The following MAP4K4 variants were observed in gnomAD, a reference collection of about 807,000 sequenced individuals.
MAP4K4 encodes the protein HPK/GCK-like kinase HGK.
Under a neutral mutation model 189.6 loss-of-function variants are expected in MAP4K4, and 38 were observed. That is an observed-to-expected ratio of 0.20 (90% CI 0.15 to 0.26). MAP4K4 has a LOEUF of 0.26. Ranked by LOEUF, MAP4K4 falls within the 10% of genes least tolerant of loss-of-function variation. The pLI, the probability that MAP4K4 is intolerant of heterozygous loss-of-function variation, is 1.00. For synonymous variants in MAP4K4, 610 were observed against 624.3 expected (o/e 0.98, Z 0.34); for missense variants, 1,054 against 1,726.9 (o/e 0.61, Z 6.91).
At chr2:101,891,033 C>G in intron 32 of MAP4K4, 133 bp from the exon 33 acceptor site, 1 of 697,184 alleles carries the variant, frequency 1.4e-6, no homozygotes, top group Non-Finnish European at 2.5e-6. Context: ...CTCAGAGTTT[C>G]TTTTGAAAAG....
At chr2:101,882,778 T>C in intron 28 of MAP4K4, 93 bp downstream of exon 28, 1 of 1,280,116 alleles carries the variant, frequency 7.8e-7, no homozygotes, top group Non-Finnish European at 1.1e-6. Context: ...TTGAAGTTTG[T>C]AATAATAAAC....
intron 28 of MAP4K4, among the ~76,000 whole-genome samples, chr2:101,883,675 C>CTAT (rs1448814770): frequency 6.6e-6 from 1 of 151,980 alleles, no homozygotes; most frequent in African/African-American, 2.4e-5. Context: ...TGTTACGGGC[C>CTAT]TATTGAATGT....
intron 3 of MAP4K4, among the ~76,000 whole-genome samples, chr2:101,814,341 T>A (rs2095598310): frequency 6.6e-6 from 1 of 152,242 alleles, no homozygotes; most frequent in Admixed American, 6.5e-5. Context: ...ATGGTCTTTT[T>A]GAGTAACTTC....
intron 2 of MAP4K4, among the ~76,000 whole-genome samples, chr2:101,790,177 C>T (rs767370035): frequency 4.6e-5 from 7 of 152,032 alleles, no homozygotes; most frequent in South Asian, 4.1e-4. Context: ...GTAATTCTTG[C>T]GAAGTAAAGT....
intron 6 of MAP4K4, among the ~76,000 whole-genome samples, chr2:101,830,330 A>G (rs2096557931): frequency 6.6e-6 from 1 of 152,114 alleles, no homozygotes; most frequent in Admixed American, 6.5e-5. Flanking sequence ...GCGTGGTTAG[A>G]TAATTACAGC....
intron 5 of MAP4K4, among the ~76,000 whole-genome samples, chr2:101,826,033 C>T (rs749473318): frequency 2.0e-5 from 3 of 152,096 alleles, no homozygotes; most frequent in Non-Finnish European, 2.9e-5. Context: ...TCTAGGATTT[C>T]GTATTTGAGC....
chr2:101,705,685 ATACT>A (rs1167404106), intron 2 of MAP4K4, among the ~76,000 whole-genome samples: 11 of 152,360 alleles, frequency 7.2e-5, no homozygotes, highest in African/African-American at 2.6e-4. Context: ...AAGTTTTTAT[ATACT>A]TTTAATTTCA....
At chr2:101,794,262 A>G (rs2093393487) in intron 3 of MAP4K4, among the ~76,000 whole-genome samples, 1 of 152,188 alleles carries the variant, frequency 6.6e-6, no homozygotes, top group African/African-American at 2.4e-5. Flanking sequence ...CCGTTCATTC[A>G]GTTTTCCTGA....
intron 2 of MAP4K4, among the ~76,000 whole-genome samples, chr2:101,767,479 A>G (rs2079119253): frequency 6.6e-6 from 1 of 151,692 alleles, no homozygotes; most frequent in Non-Finnish European, 1.5e-5. Context: ...GAACACAAAG[A>G]CTCTTCCTTC....
chr2:101,858,983 T>G lies in MAP4K4; in HGVS notation c.1396-13T>G. 6.3e-7 allele frequency: 1 copy of G among 1,599,930 alleles called. No individual in the cohort carries two copies. On this transcript the variant is annotated splice_polypyrimidine_tract_variant and intron_variant, in intron 13 of 32. Transcript: ENST00000324219. ...TGGGATAATTTGATTGCTGGGTGATTTCTGTGTGACAGGAGTATATCAGGC... is the reference window on the plus strand; with the variant it reads ...TGGGATAATTTGATTGCTGGGTGATGTCTGTGTGACAGGAGTATATCAGGC...
chr2:101,745,703 C>G (rs2149842325), intron 2 of MAP4K4, among the ~76,000 whole-genome samples: 1 of 152,238 alleles, frequency 6.6e-6, no homozygotes, highest in African/African-American at 2.4e-5. Flanking sequence ...CGTTAAGTGC[C>G]TAGCTGAATA....
chr2:101,816,295 T>C (rs1266920270), intron 3 of MAP4K4, among the ~76,000 whole-genome samples: 6 of 152,234 alleles, frequency 3.9e-5, no homozygotes. Context: ...CCTTCATTCT[T>C]TTTTATTGAA....
chr2:101,841,795 A>G (rs76453133), intron 10 of MAP4K4, among the ~76,000 whole-genome samples: 1,626 of 152,244 alleles, frequency 0.011, 18 homozygotes, highest in South Asian at 0.018. Flanking sequence ...TCTTTGAAAA[A>G]AATAGAGGTG....
chr2:101,871,229 T>C (rs1273313307), intron 23 of MAP4K4, among the ~76,000 whole-genome samples: 1 of 152,026 alleles, frequency 6.6e-6, no homozygotes, highest in Non-Finnish European at 1.5e-5. Context: ...CTGGTTTTGG[T>C]AACAGAAGCT....
chr2:101,877,670 T>C (rs1174486993), intron 27 of MAP4K4, among the ~76,000 whole-genome samples: 2 of 151,974 alleles, frequency 1.3e-5, no homozygotes, highest in Non-Finnish European at 2.9e-5. Context: ...GGAAGTATTC[T>C]TTGCCATTAT....
At chr2:101,812,729 G>C (rs990793427) in intron 3 of MAP4K4, among the ~76,000 whole-genome samples, 1 of 152,166 alleles carries the variant, frequency 6.6e-6, no homozygotes, top group Non-Finnish European at 1.5e-5. Flanking sequence ...TGGATGGGGT[G>C]GTGGGATGCT....
chr2:101,702,855 T>C (rs2039776528), intron 2 of MAP4K4, among the ~76,000 whole-genome samples: 1 of 152,168 alleles, frequency 6.6e-6, no homozygotes, highest in Non-Finnish European at 1.5e-5. Context: ...GAGCTAACGC[T>C]AAGAGTTTGC....
intron 3 of MAP4K4, among the ~76,000 whole-genome samples, chr2:101,797,973 T>G (rs1478381188): frequency 7.0e-6 from 1 of 142,198 alleles, no homozygotes; most frequent in African/African-American, 2.6e-5. Context: ...TGCACAAGTC[T>G]AGAGTGCACG....
At chr2:101,789,375 C>T (rs958324251) in intron 2 of MAP4K4, among the ~76,000 whole-genome samples, 3 of 152,120 alleles carry the variant, frequency 2.0e-5, no homozygotes, top group African/African-American at 7.2e-5. Flanking sequence ...TGTGCTTGAC[C>T]ACTGACCATG....
Sources: gnomAD v4.1 joint callset for allele counts (sites outside exome capture counted in the v4.1 genomes callset) on GRCh38, gnomAD v4.1.1 for gene constraint, MANE v1.5 for transcripts, NCBI Gene and HGNC (gene_info 2026-07-23, HGNC 2026-07-21) for gene names.